The following TMEM259 variants were observed in gnomAD, a reference collection of about 807,000 sequenced individuals.
TMEM259 encodes the protein transmembrane protein 259, also known as membralin.
TMEM259 carries 26 observed loss-of-function variants against 46.7 expected under a neutral mutation model. That is an observed-to-expected ratio of 0.56 (90% CI 0.41 to 0.77). The LOEUF (loss-of-function observed/expected upper bound fraction) is 0.77, where lower values mean the gene tolerates loss of function less well. TMEM259 is among the 30% of genes least tolerant of loss of function. TMEM259 has a pLI of 0.00. For missense variants in TMEM259, 930 were observed against 900.5 expected, an observed-to-expected ratio of 1.03 and a Z score of -0.42; for synonymous variants, 494 against 395.1, an observed-to-expected ratio of 1.25 and a Z score of -2.97.
intron 1 of TMEM259, among the ~76,000 whole-genome samples, chr19:1,019,477 C>T (rs1599492022): frequency 6.6e-6 from 1 of 152,196 alleles, no homozygotes; most frequent in Non-Finnish European, 1.5e-5. Flanking sequence ...CCTACTGAGG[C>T]GACCATGCCA....
rs375558692 is a variant in TMEM259, at chr19:1,014,305, C to T, written c.394G>A (p.Gly132Ser). 1.1e-5 allele frequency: 17 copies of T among 1,612,986 alleles called. No individual in the cohort carries two copies. The highest frequency in any genetic ancestry group is 2.2e-5 in the South Asian group (2 of 91,086). The part of the protein sequence containing the change: ...APVFLQFCDS[G>S]GRGSFPGLAV... Reference sequence around the variant, plus strand: ...AGGCCCGGGAAGCTCCCGCGGCCGCCGCTGTCACAGAACTGTAGGAAGACG... The same window carrying T: ...AGGCCCGGGAAGCTCCCGCGGCCGCTGCTGTCACAGAACTGTAGGAAGACG... Residue 132 changes from glycine (G) to serine (S), a missense_variant, in exon 2 of 11, where the codon GGC (glycine) becomes AGC (serine). By Grantham distance (56) the Gly-to-Ser change is moderately conservative (BLOSUM62 0). Coordinates refer to ENST00000356663, the MANE Select transcript of TMEM259 (RefSeq NM_001033026.2).
chr19:1,010,321 AG>A lies in TMEM259; in HGVS notation c.*28del. On this transcript the variant is annotated 3_prime_UTR_variant, in exon 11 of 11. Transcript: ENST00000356663. ...CTCGGGAAGGTCAGGCCCAGCCAGC[AG>A]GGGTCAGAGGCGGCTCAGCTGTGCG... is the stretch of plus-strand genomic sequence containing the variant. The A allele has an allele frequency of 6.9e-7, 1 of 1,441,218 alleles. No homozygotes were observed. Among genetic ancestry groups the A allele is most frequent in the Non-Finnish European group, 9.0e-7 (1 of 1,105,844 alleles). 89.3% of individuals were successfully genotyped at this position (1,441,218 alleles called of 1,614,324 possible).
intron 9 of TMEM259, 36 bp from the exon 10 acceptor site, chr19:1,011,231 C>T: frequency 6.4e-7 from 1 of 1,555,162 alleles, no homozygotes; most frequent in African/African-American, 1.4e-5. Flanking sequence ...GGCTGCAGGT[C>T]CCACCCTGCC....
chr19:1,010,979 C>G, intron 10 of TMEM259, 84 bp from the exon 11 acceptor site: 2 of 1,548,264 alleles, frequency 1.3e-6, no homozygotes, highest in East Asian at 4.8e-5. Context: ...CACCCGGGAC[C>G]ATCCACGCTA....
chr19:1,013,181 C>A, intron 3 of TMEM259, 60 bp downstream of exon 3: 1 of 1,485,516 alleles, frequency 6.7e-7, no homozygotes. Context: ...CCGCCTGCAC[C>A]CCAGCACCCC....
In TMEM259 at chr19:1,010,173, C is replaced by A; in HGVS notation, c.*177G>T. 1.7e-6 allele frequency: 1 copy of A among 594,696 alleles called. No individual in the cohort carries two copies. The highest frequency in any genetic ancestry group is 2.8e-6 in the Non-Finnish European group (1 of 360,956). 36.8% of individuals were successfully genotyped at this position (594,696 alleles called of 1,614,324 possible). A position where few individuals can be genotyped will look rare whatever the true frequency, so the allele number is the denominator to read the frequency against. ...CACTAGCGGGTACAAGCCTCGGGCGCGACCTCACACCAGGGGGAGGAAAGC... is the reference window on the plus strand; with the variant it reads ...CACTAGCGGGTACAAGCCTCGGGCGAGACCTCACACCAGGGGGAGGAAAGC... On this transcript the variant is annotated 3_prime_UTR_variant, in exon 11 of 11. Transcript: ENST00000356663.
intron 1 of TMEM259, chr19:1,017,393 C>G (rs1442915024): frequency 7.5e-6 from 3 of 399,672 alleles, no homozygotes; most frequent in Non-Finnish European, 1.3e-5. Flanking sequence ...CTGACCCAGG[C>G]TCCCCAGCAG....
At position 1,020,750 on chromosome 19, in the gene TMEM259, C is replaced by A; in HGVS notation, c.225+22G>T. 1.5e-6 allele frequency: 2 copies of A among 1,290,992 alleles called. No individual in the cohort carries two copies. Among genetic ancestry groups the A allele is most frequent in the South Asian group, 2.7e-5 (1 of 37,614 alleles). 80.0% of individuals were successfully genotyped at this position (1,290,992 alleles called of 1,614,324 possible). On this transcript the variant is annotated intron_variant, in intron 1 of 10. Transcript: ENST00000356663. This position sits in a 1 kb window ranked among gnomAD's most constrained non-coding sequence, Gnocchi z 4.0. ...CGGGACAGCCGCTGGGGTCAAGGGT[C>A]GGGGGTCGGGGCCGCGGTCACCTTG... is the stretch of plus-strand genomic sequence containing the variant.
intron 3 of TMEM259, among the ~76,000 whole-genome samples, 198 bp downstream of exon 3, chr19:1,013,043 G>A (rs1016478836): frequency 6.6e-6 from 1 of 152,204 alleles, no homozygotes; most frequent in Non-Finnish European, 1.5e-5. Flanking sequence ...GATGAGCTGA[G>A]CCAGTTACCC....
chr19:1,017,343 C>T, intron 1 of TMEM259: 1 of 399,578 alleles, frequency 2.5e-6, no homozygotes, highest in Non-Finnish European at 4.4e-6. Flanking sequence ...CACTCGCATG[C>T]CCTGGGTGGT....
rs763113473 is a variant in TMEM259, at chr19:1,012,048, C to T, written c.841+18G>A. The T allele has an allele frequency of 1.9e-6, 3 of 1,611,856 alleles. No homozygotes were observed. The highest frequency in any genetic ancestry group is 8.5e-7 in the Non-Finnish European group (1 of 1,179,410). On this transcript the variant is annotated intron_variant, in intron 5 of 10. Coordinates refer to ENST00000356663, the MANE Select transcript of TMEM259 (RefSeq NM_001033026.2). ...CCCACCCGCGCCCTCGCACCCTCGG[C>T]CCCGGGGCATGCCTCACCCTTGTTC...
Position 1,011,206 on chromosome 19 carries a change from G to C in TMEM259, c.1218-11C>G. 6.3e-7 allele frequency: 1 copy of C among 1,581,326 alleles called. No homozygotes were observed. Among genetic ancestry groups the C allele is most frequent in the Non-Finnish European group, 8.6e-7 (1 of 1,163,794 alleles). ...TAGAGATAGAAGAACCTGCGGGGCG[G>C]GGTGAGGGCGTCGGGGCTGCAGGTC... On this transcript the variant is annotated splice_polypyrimidine_tract_variant and intron_variant, in intron 9 of 10. Coordinates refer to ENST00000356663, the MANE Select transcript of TMEM259 (RefSeq NM_001033026.2).
rs1018242058 is a variant in TMEM259, at chr19:1,011,978, C to T, written c.856G>A (p.Val286Met). 20 of 1,612,156 alleles carry T rather than the reference C, an allele frequency of 1.2e-5. No homozygotes were observed. The highest frequency in any genetic ancestry group is 1.7e-5 in the Non-Finnish European group (20 of 1,179,578). The change falls in exon 6 of 11, where the codon GTG becomes ATG. Residue 286 changes from valine to methionine, a missense_variant. Val to Met is a conservative substitution (Grantham distance 21, BLOSUM62 1). Transcript: ENST00000356663. ...NEENKGFLRN[V>M]VSGEHYRFVS... ...AAGCGGTAGTGCTCGCCCGACACCA[C>T]ATTCCGCAGGAAGCCTGCAGCAGAA...
In TMEM259 at chr19:1,010,410, T is replaced by C; in HGVS notation, c.1803A>G (p.Val601=). The C allele has an allele frequency of 2.0e-6, 3 of 1,518,656 alleles. No homozygotes were observed. Among genetic ancestry groups the C allele is most frequent in the Non-Finnish European group, 2.6e-6 (3 of 1,137,564 alleles). 94.1% of individuals were successfully genotyped at this position (1,518,656 alleles called of 1,614,324 possible). A position where few individuals can be genotyped will look rare whatever the true frequency, so the allele number is the denominator to read the frequency against. The change falls in exon 11 of 11, where the codon GTA becomes GTG. Residue 601 remains valine, a synonymous_variant. Transcript: ENST00000356663. ...CCATGGAGGCCGGGCTAGGCCCGCCTACCGCAGCCCCCAGGGGAGTTGTGT... is the reference window on the plus strand; with the variant it reads ...CCATGGAGGCCGGGCTAGGCCCGCCCACCGCAGCCCCCAGGGGAGTTGTGT... ...ASDTTPLGAA[V]GGPSPASMAP... is the part of the protein sequence containing the mutation.
chr19:1,010,456 G>C lies in TMEM259; in HGVS notation c.1757C>G (p.Pro586Arg), dbSNP rs1048746416. Reference sequence around the variant, plus strand: ...TGTGTCAGAAGCTGCGGAGTCACTCGGGGGGACACTGTCCTGGGGGGCGTG... The same window carrying C: ...TGTGTCAGAAGCTGCGGAGTCACTCCGGGGGACACTGTCCTGGGGGGCGTG... ...LPHAPQDSVP[P>R]SDSAASDTTP... The change falls in exon 11 of 11, where the codon CCG becomes CGG. Residue 586 changes from proline (P) to arginine (R), a missense_variant. Transcript: ENST00000356663. 1.2e-5 allele frequency: 19 copies of C among 1,537,830 alleles called. No individual in the cohort carries two copies. Among genetic ancestry groups the C allele is most frequent in the Non-Finnish European group, 1.7e-5 (19 of 1,142,534 alleles).
In TMEM259 at chr19:1,010,745, C is replaced by T. The variant is rs1259570356; in HGVS notation, c.1468G>A (p.Ala490Thr). ...TGGCCGGCAGAGTCAGGGGCTGTAG[C>T]CGGGGCGCCCGAGTTGTTGTTCATG... ...DDMNNNSGAPATAPDSAGQPP... is the reference protein window; with the variant it reads ...DDMNNNSGAPTTAPDSAGQPP... The change falls in exon 11 of 11, where the codon GCT (alanine) becomes ACT (threonine). Residue 490 changes from alanine to threonine, a missense_variant. Transcript: ENST00000356663. 1 of 1,533,400 alleles carries T rather than the reference C, an allele frequency of 6.5e-7. No individual in the cohort carries two copies. The highest frequency in any genetic ancestry group is 1.4e-5 in the African/African-American group (1 of 72,894). 95.0% of individuals were successfully genotyped at this position (1,533,400 alleles called of 1,614,324 possible). A position where few individuals can be genotyped will look rare whatever the true frequency, so the allele number is the denominator to read the frequency against.
rs773173233 is a variant in TMEM259, at chr19:1,011,625, C to T, written c.1039G>A (p.Ala347Thr). 13 of 1,546,558 alleles carry T rather than the reference C, an allele frequency of 8.4e-6. No homozygotes were observed. Among genetic ancestry groups the T allele is most frequent in the Non-Finnish European group, 1.0e-5 (12 of 1,145,598 alleles). The change falls in exon 8 of 11, where the codon GCC becomes ACC. Residue 347 changes from alanine (A) to threonine (T), a missense_variant. Ala to Thr is a moderately conservative substitution (Grantham distance 58). Coordinates refer to ENST00000356663, the MANE Select transcript of TMEM259 (RefSeq NM_001033026.2). Reference protein sequence around the residue: ...LQMLEMNMAIAFPAAPLLTVI... With the variant: ...LQMLEMNMAITFPAAPLLTVI... Reference sequence around the variant, plus strand: ...GTCAGCAGGGGCGCTGCGGGGAAGGCGATGGCCATGTTCATCTCCAGCATC... The same window carrying T: ...GTCAGCAGGGGCGCTGCGGGGAAGGTGATGGCCATGTTCATCTCCAGCATC...
rs886839038 is a variant in TMEM259 at position 1,020,722 on chromosome 19, G to A, written c.225+50C>T. On this transcript the variant is annotated intron_variant, in intron 1 of 10. Coordinates refer to ENST00000356663, the MANE Select transcript of TMEM259 (RefSeq NM_001033026.2). This position sits in a 1 kb window ranked among gnomAD's most constrained non-coding sequence, Gnocchi z 4.0. ...CGCGGTCGGAGGTAGCAGACTTGGG[G>A]GTCGGGACAGCCGCTGGGGTCAAGG... is the stretch of plus-strand genomic sequence containing the variant. 4.0e-6 allele frequency: 5 copies of A among 1,252,272 alleles called. No individual in the cohort carries two copies. Among genetic ancestry groups the A allele is most frequent in the Non-Finnish European group, 5.1e-6 (5 of 983,802 alleles). 77.6% of individuals were successfully genotyped at this position (1,252,272 alleles called of 1,614,324 possible). A position where few individuals can be genotyped will look rare whatever the true frequency, so the allele number is the denominator to read the frequency against.
intron 1 of TMEM259, chr19:1,017,406 A>G (rs13345579): frequency 0.12 from 45,965 of 399,540 alleles, 2,975 homozygotes; most frequent in South Asian, 0.15. Flanking sequence ...CCCAGCAGGC[A>G]CCCACATGCT....
Sources: gnomAD v4.1 joint callset for allele counts (sites outside exome capture counted in the v4.1 genomes callset) on GRCh38, gnomAD v4.1.1 for gene constraint, Gnocchi (gnomAD v3.1) non-coding constraint, MANE v1.5 for transcripts, NCBI Gene and HGNC (gene_info 2026-07-23, HGNC 2026-07-21) for gene names.